Variants in WWOX observed in about 807,000 individuals in gnomAD.
WWOX encodes the protein WW domain-containing oxidoreductase.
A neutral mutation model predicts 46.2 loss-of-function variants in WWOX; 69 were observed. The observed-to-expected ratio is 1.49, with a 90% CI of 1.23 to 1.82. The LOEUF (loss-of-function observed/expected upper bound fraction) is 1.82, where lower values mean the gene tolerates loss of function less well. Ranked by LOEUF, WWOX falls within the 40% of genes most tolerant of loss-of-function variation. The probability of loss-of-function intolerance (pLI) is 0.00; values close to 1 mark genes in which losing one functional copy is unlikely to be tolerated. For missense variants in WWOX, 919 were observed against 542.6 expected (o/e 1.69, Z -6.89); for synonymous variants, 359 against 202.6 (o/e 1.77, Z -6.56).
chr16:78,585,437 C>T (rs1354090966), intron 8 of WWOX, among the ~76,000 whole-genome samples: 2 of 152,086 alleles, frequency 1.3e-5, no homozygotes, highest in African/African-American at 4.8e-5. Context: ...TGACCACCTC[C>T]CAAAAGCTGG....
intron 8 of WWOX, among the ~76,000 whole-genome samples, chr16:78,737,637 T>G (rs1394261635): frequency 1.3e-5 from 2 of 152,178 alleles, no homozygotes; most frequent in Non-Finnish European, 2.9e-5. Flanking sequence ...TTCTTCTGCC[T>G]TTGCATCCTC....
intron 8 of WWOX, among the ~76,000 whole-genome samples, chr16:78,563,945 A>G (rs1184662171): frequency 6.6e-6 from 1 of 152,206 alleles, no homozygotes; most frequent in Non-Finnish European, 1.5e-5. Context: ...CGGCACAAGC[A>G]AAGGCTTGAA....
Position 78,902,188 on chromosome 16 carries a change from G to A in WWOX, c.1057-309420G>A, listed in dbSNP as rs530721729. 4.6e-5 allele frequency among the ~76,000 whole-genome samples: 7 copies of A among 152,280 alleles called. No individual in the cohort carries two copies. The East Asian group carries it at 7.7e-4, about 17-fold the overall frequency. ...GAATCGGGCAGCCTGCAGCTGATCC[G>A]GTGGTGTCTGAAACCATCCTGTGTG... On this transcript the variant is annotated intron_variant, in intron 8 of 8. Coordinates refer to ENST00000566780, the MANE Select transcript of WWOX (RefSeq NM_016373.4).
intron 8 of WWOX, among the ~76,000 whole-genome samples, chr16:78,590,842 G>A (rs1043197737): frequency 2.6e-5 from 4 of 152,132 alleles, no homozygotes; most frequent in African/African-American, 9.7e-5. Context: ...TGGGATGGTT[G>A]CAGAGGAGTT....
At chr16:78,743,101 C>G (rs376580540) in intron 8 of WWOX, among the ~76,000 whole-genome samples, 1 of 152,106 alleles carries the variant, frequency 6.6e-6, no homozygotes, top group Non-Finnish European at 1.5e-5. Context: ...AAACATCCGT[C>G]TCTCTCCTTG....
chr16:78,214,591 A>C (rs1411649292), intron 5 of WWOX, among the ~76,000 whole-genome samples: 2 of 152,168 alleles, frequency 1.3e-5, no homozygotes, highest in Non-Finnish European at 2.9e-5. Context: ...CCATTTAGCC[A>C]CACTGCCTAG....
chr16:78,983,026 T>A (rs571996769), intron 8 of WWOX, among the ~76,000 whole-genome samples: 2 of 152,312 alleles, frequency 1.3e-5, no homozygotes, highest in East Asian at 3.9e-4. Context: ...CCTTTGTTTC[T>A]TTTGTGAAGT....
At chr16:78,805,093 A>T (rs928475260) in intron 8 of WWOX, among the ~76,000 whole-genome samples, 2 of 152,228 alleles carry the variant, frequency 1.3e-5, no homozygotes, top group Non-Finnish European at 2.9e-5. Context: ...GGTCTTGTAC[A>T]TGAAATTAAG....
chr16:79,038,774 T>C (rs2151406616), intron 8 of WWOX, among the ~76,000 whole-genome samples: 1 of 152,300 alleles, frequency 6.6e-6, no homozygotes, highest in South Asian at 2.1e-4. Flanking sequence ...GCTCTTGAAT[T>C]CCTAACTTCA....
intron 8 of WWOX, among the ~76,000 whole-genome samples, chr16:78,745,028 G>C (rs1003945586): frequency 6.6e-6 from 1 of 152,076 alleles, no homozygotes; most frequent in Non-Finnish European, 1.5e-5. Flanking sequence ...CATTTATTCA[G>C]TGTTGGCCAG....
intron 8 of WWOX, among the ~76,000 whole-genome samples, chr16:78,919,965 C>G (rs376168680): frequency 6.6e-6 from 1 of 152,214 alleles, no homozygotes; most frequent in Non-Finnish European, 1.5e-5. Context: ...AACACGTAAG[C>G]TTATTTACGG....
In WWOX at chr16:78,871,144, T is replaced by C. The variant is rs901694961; in HGVS notation, c.1057-340464T>C. Among the ~76,000 whole-genome samples, 11 of 150,530 alleles carry C rather than the reference T, an allele frequency of 7.3e-5. No homozygotes were observed. In the South Asian group the frequency reaches 1.0e-3, roughly 14 times the overall value. ...TGAACAAATGGCATTCTACATTGAA[T>C]ATAGTAATTCCCAACTTTCGTGAAG... On this transcript the variant is annotated intron_variant, in intron 8 of 8. Transcript: ENST00000566780.
intron 8 of WWOX, among the ~76,000 whole-genome samples, chr16:78,913,921 A>G (rs2045178156): frequency 6.6e-6 from 1 of 151,990 alleles, no homozygotes; most frequent in Non-Finnish European, 1.5e-5. Flanking sequence ...TTGGCCTCCC[A>G]AAGTGCTTGG....
intron 8 of WWOX, among the ~76,000 whole-genome samples, chr16:79,006,058 C>G (rs114046695): frequency 1.5e-3 from 222 of 152,240 alleles, no homozygotes; most frequent in African/African-American, 5.2e-3. Context: ...CTGAGTGAAC[C>G]CATATCAACA....
chr16:78,381,299 C>G (rs1276804408), intron 5 of WWOX, among the ~76,000 whole-genome samples: 1 of 152,200 alleles, frequency 6.6e-6, no homozygotes, highest in African/African-American at 2.4e-5. Context: ...CTTACAGACT[C>G]TTGAGTCACT....
intron 5 of WWOX, among the ~76,000 whole-genome samples, chr16:78,266,849 T>TCCCTCTCTC: frequency 6.8e-6 from 1 of 146,754 alleles, no homozygotes; most frequent in Non-Finnish European, 1.5e-5. Flanking sequence ...CCCCTCTCTC[T>TCCCTCTCTC]CATAGTGATA....
chr16:78,353,508 C>G (rs28569298), intron 5 of WWOX, among the ~76,000 whole-genome samples: 1 of 152,206 alleles, frequency 6.6e-6, no homozygotes, highest in Non-Finnish European at 1.5e-5. Context: ...TGTCCCTTCT[C>G]CTCTAGCCAG....
intron 8 of WWOX, among the ~76,000 whole-genome samples, chr16:78,840,780 C>T (rs933159381): frequency 1.3e-5 from 2 of 150,810 alleles, no homozygotes; most frequent in Admixed American, 6.6e-5. Context: ...GTGGTTTTTT[C>T]AAAAAAATTG....
intron 8 of WWOX, among the ~76,000 whole-genome samples, chr16:78,582,714 T>C (rs750197368): frequency 4.6e-5 from 7 of 152,186 alleles, no homozygotes; most frequent in Non-Finnish European, 8.8e-5. Context: ...AAACTTGTTA[T>C]GCATAGGGTT....
Sources: allele counts gnomAD v4.1 joint callset (sites outside exome capture counted in the v4.1 genomes callset), GRCh38; gene constraint gnomAD v4.1.1; transcripts MANE v1.5; gene names NCBI Gene and HGNC (gene_info 2026-07-23, HGNC 2026-07-21).